Variants in PTPN9 observed in about 807,000 individuals in gnomAD.
The protein encoded by PTPN9 is tyrosine-protein phosphatase non-receptor type 9.
Under a neutral mutation model 69.8 loss-of-function variants are expected in PTPN9, and 26 were observed. The observed-to-expected ratio is 0.37, with a 90% CI of 0.27 to 0.52. PTPN9 has a LOEUF of 0.52. Ranked by LOEUF, PTPN9 falls within the 20% of genes least tolerant of loss-of-function variation. The probability of loss-of-function intolerance (pLI) is 0.91; values close to 1 mark genes in which losing one functional copy is unlikely to be tolerated. For synonymous variants in PTPN9, 274 were observed against 272.5 expected (o/e 1.01, Z -0.05); for missense variants, 549 against 740.3 (o/e 0.74, Z 3.00).
chr15:75,529,604 T>C (rs1381551810), intron 1 of PTPN9, among the ~76,000 whole-genome samples: 1 of 152,162 alleles, frequency 6.6e-6, no homozygotes, highest in Non-Finnish European at 1.5e-5. Context: ...CTTTGCTAAT[T>C]TTTCAATTGA....
chr15:75,472,122 A>G (rs1416695397), intron 10 of PTPN9, among the ~76,000 whole-genome samples: 1 of 152,056 alleles, frequency 6.6e-6, no homozygotes, highest in Non-Finnish European at 1.5e-5. Context: ...TATTCCTTAA[A>G]TTTGCCAGAT....
chr15:75,535,017 GAC>G (rs1650800106), intron 1 of PTPN9, among the ~76,000 whole-genome samples: 1 of 149,356 alleles, frequency 6.7e-6, no homozygotes, highest in Non-Finnish European at 1.5e-5. Context: ...TTTTTTTTGA[GAC>G]AGAGTCTCAC....
At chr15:75,514,100 CAAA>C (rs71140167) in intron 5 of PTPN9, among the ~76,000 whole-genome samples, 5 of 114,916 alleles carry the variant, frequency 4.4e-5, no homozygotes, top group Non-Finnish European at 9.0e-5. Flanking sequence ...CACTCTGTCT[CAAA>C]AAAAAAAAAA....
intron 1 of PTPN9, among the ~76,000 whole-genome samples, chr15:75,533,613 C>T (rs1394022858): frequency 1.3e-5 from 2 of 152,124 alleles, no homozygotes; most frequent in African/African-American, 2.4e-5. Context: ...TAATTATCTA[C>T]TTCTCCCACA....
rs1036032774 is a variant in PTPN9 at position 75,479,868 on chromosome 15, T to C, written c.1109A>G (p.Asn370Ser). 3 of 1,610,862 alleles carry C rather than the reference T, an allele frequency of 1.9e-6. No homozygotes were observed. The highest frequency in any genetic ancestry group is 2.5e-6 in the Non-Finnish European group (3 of 1,178,622). Reference protein sequence around the residue: ...ASFMDGYKQKNAYIGTQGPLE... With the variant: ...ASFMDGYKQKSAYIGTQGPLE... The stretch of plus-strand genomic sequence containing the variant: ...CTTACCTTGTGTGCCAATGTAAGCA[T>C]TCTTCTGCTTGTAGCCATCCATGAA... The change falls in exon 9 of 13, where the codon AAT becomes AGT. Residue 370 changes from asparagine to serine, a missense_variant. By Grantham distance (46) the Asn-to-Ser change is conservative. This residue lies in a region of PTPN9 where 457 missense variants were observed against 661.9 expected (regional missense o/e 0.69). Transcript: ENST00000618819.
At chr15:75,505,024 G>C (rs558461190) in intron 7 of PTPN9, among the ~76,000 whole-genome samples, 1 of 152,360 alleles carries the variant, frequency 6.6e-6, no homozygotes, top group African/African-American at 2.4e-5. Flanking sequence ...AGAAAGGGGG[G>C]AAAGGTGGGG....
At chr15:75,503,936 G>A (rs1595955133) in intron 7 of PTPN9, among the ~76,000 whole-genome samples, 4 of 106,028 alleles carry the variant, frequency 3.8e-5, no homozygotes, top group African/African-American at 7.4e-5. Flanking sequence ...CAGCCGCCCC[G>A]TCCGGGAGGT....
intron 2 of PTPN9, among the ~76,000 whole-genome samples, chr15:75,525,803 C>A (rs1481876579): frequency 6.6e-6 from 1 of 151,430 alleles, no homozygotes; most frequent in African/African-American, 2.4e-5. Context: ...CCTGTGGTCC[C>A]AGCTACTCGG....
At chr15:75,523,753 A>G (rs1270953914) in intron 3 of PTPN9, among the ~76,000 whole-genome samples, 1 of 152,240 alleles carries the variant, frequency 6.6e-6, no homozygotes, top group Non-Finnish European at 1.5e-5. Context: ...GACCAACTGA[A>G]GAAACTTTTC....
chr15:75,577,914 G>A (rs574672078), intron 1 of PTPN9, among the ~76,000 whole-genome samples: 20 of 152,158 alleles, frequency 1.3e-4, no homozygotes, highest in Non-Finnish European at 2.4e-4. Flanking sequence ...TCTTCCTCAG[G>A]AGTGGTCCCT....
At chr15:75,514,396 T>C (rs1181893446) in intron 5 of PTPN9, among the ~76,000 whole-genome samples, 1 of 152,084 alleles carries the variant, frequency 6.6e-6, no homozygotes, top group Non-Finnish European at 1.5e-5. Context: ...CTAGGCACCA[T>C]GGTGAAACTC....
At chr15:75,563,934 T>C (rs553624532) in intron 1 of PTPN9, among the ~76,000 whole-genome samples, 146 of 152,184 alleles carry the variant, frequency 9.6e-4, no homozygotes, top group African/African-American at 3.3e-3. Flanking sequence ...TCAGTTGACA[T>C]TAACACGATA....
intron 2 of PTPN9, 71 bp downstream of exon 2, chr15:75,527,047 C>A: frequency 6.4e-7 from 1 of 1,563,304 alleles, no homozygotes; most frequent in South Asian, 1.1e-5. Context: ...ATGTGTGTGT[C>A]GAGCATGACA....
intron 7 of PTPN9, among the ~76,000 whole-genome samples, chr15:75,498,602 C>T (rs896261622): frequency 1.3e-5 from 2 of 152,046 alleles, no homozygotes; most frequent in African/African-American, 4.8e-5. Context: ...GTAATCCCAG[C>T]TACTTGGGAG....
intron 1 of PTPN9, among the ~76,000 whole-genome samples, chr15:75,539,048 G>A (rs2074997108): frequency 6.6e-6 from 1 of 151,846 alleles, no homozygotes; most frequent in South Asian, 2.1e-4. Context: ...GAAAGAAAAT[G>A]AACTGGGAAA....
At chr15:75,529,782 T>C (rs1225589214) in intron 1 of PTPN9, among the ~76,000 whole-genome samples, 2 of 150,738 alleles carry the variant, frequency 1.3e-5, no homozygotes, top group Non-Finnish European at 3.0e-5. Flanking sequence ...TGGTGGTGCA[T>C]GTCTGTAATC....
At chr15:75,577,149 A>G (rs1308159288) in intron 1 of PTPN9, among the ~76,000 whole-genome samples, 2 of 152,244 alleles carry the variant, frequency 1.3e-5, no homozygotes, top group Non-Finnish European at 2.9e-5. Context: ...CACTATGTAC[A>G]AAGTAAAGCC....
At chr15:75,486,361 T>G (rs891523649) in intron 8 of PTPN9, among the ~76,000 whole-genome samples, 1 of 152,104 alleles carries the variant, frequency 6.6e-6, no homozygotes, top group Non-Finnish European at 1.5e-5. Context: ...AGTGCCCTTA[T>G]AAGACAGAAG....
intron 4 of PTPN9, 114 bp downstream of exon 4, chr15:75,523,007 T>G (rs1023751388): frequency 1.6e-6 from 2 of 1,250,342 alleles, no homozygotes; most frequent in Non-Finnish European, 2.2e-6. Flanking sequence ...TTCATAGCAT[T>G]GCCCAGGGCA....
Sources: gnomAD v4.1 joint callset for allele counts (sites outside exome capture counted in the v4.1 genomes callset) on GRCh38, gnomAD v4.1.1 for gene constraint, gnomAD v4.1.1 regional missense constraint, MANE v1.5 for transcripts, NCBI Gene and HGNC (gene_info 2026-07-23, HGNC 2026-07-21) for gene names.